AGBL1: variants seen among roughly 807,000 people sequenced by gnomAD.
AGBL1 encodes the protein cytosolic carboxypeptidase 4.
AGBL1 carries 130 observed loss-of-function variants against 118.9 expected under a neutral mutation model. The observed-to-expected ratio is 1.09, with a 90% CI of 0.95 to 1.26. The LOEUF (loss-of-function observed/expected upper bound fraction) is 1.26. Among genes scored for constraint, AGBL1 ranks in the 50% most tolerant of loss-of-function variants. The pLI is 0.00. For synonymous variants in AGBL1, 555 were observed against 478.9 expected (o/e 1.16, Z -2.08); for missense variants, 1,584 against 1,298.1 (o/e 1.22, Z -3.38).
chr15:86,228,746 CA>C (rs1223250922), intron 6 of AGBL1, among the ~76,000 whole-genome samples: 2 of 152,188 alleles, frequency 1.3e-5, no homozygotes, highest in Non-Finnish European at 2.9e-5. Flanking sequence ...CATGAAAAGC[CA>C]GTGTAGAATA....
chr15:86,327,254 T>C (rs1597733702), intron 17 of AGBL1, among the ~76,000 whole-genome samples: 1 of 152,084 alleles, frequency 6.6e-6, no homozygotes, highest in Non-Finnish European at 1.5e-5. Context: ...AATTGGGGAA[T>C]AAAAGAGGCT....
intron 22 of AGBL1, among the ~76,000 whole-genome samples, chr15:86,851,888 CATT>C (rs2079411940): frequency 6.6e-6 from 1 of 152,248 alleles, no homozygotes; most frequent in African/African-American, 2.4e-5. Context: ...AGTTCAGACT[CATT>C]GTGGTGAATG....
intron 22 of AGBL1, among the ~76,000 whole-genome samples, chr15:86,728,523 A>G (rs755162937): frequency 6.6e-6 from 1 of 152,114 alleles, no homozygotes; most frequent in Non-Finnish European, 1.5e-5. Flanking sequence ...GCATCTTTTC[A>G]GCTGCCTTTT....
intron 24 of AGBL1, among the ~76,000 whole-genome samples, chr15:87,001,246 C>G (rs981843423): frequency 6.6e-6 from 1 of 151,374 alleles, no homozygotes; most frequent in Non-Finnish European, 1.5e-5. Context: ...ATTGCCCTGG[C>G]CAGAACTTCC....
At chr15:86,754,661 T>G (rs1423649389) in intron 22 of AGBL1, among the ~76,000 whole-genome samples, 1 of 152,078 alleles carries the variant, frequency 6.6e-6, no homozygotes, top group East Asian at 1.9e-4. Context: ...CAGCCTGGCC[T>G]CTCCTCAGTG....
At chr15:86,871,177 G>A (rs945428400) in intron 22 of AGBL1, among the ~76,000 whole-genome samples, 8 of 152,172 alleles carry the variant, frequency 5.3e-5, no homozygotes, top group African/African-American at 1.9e-4. Context: ...CTCATGATTT[G>A]TGGGTAGGAG....
At chr15:86,813,440 T>C (rs1035021464) in intron 22 of AGBL1, among the ~76,000 whole-genome samples, 6 of 152,198 alleles carry the variant, frequency 3.9e-5, no homozygotes, top group Non-Finnish European at 7.3e-5. Flanking sequence ...CACATTCTCT[T>C]CTGCCTTCCT....
chr15:86,868,223 G>A (rs2079662553), intron 22 of AGBL1, among the ~76,000 whole-genome samples: 1 of 152,190 alleles, frequency 6.6e-6, no homozygotes, highest in Non-Finnish European at 1.5e-5. Context: ...CATGGACGTA[G>A]AGTGAAGATG....
At chr15:86,730,488 T>C (rs1180585841) in intron 22 of AGBL1, among the ~76,000 whole-genome samples, 10 of 152,188 alleles carry the variant, frequency 6.6e-5, no homozygotes, top group Admixed American at 6.5e-4. Flanking sequence ...CTTTAGAACA[T>C]TTTATTTTAG....
chr15:86,585,650 G>A (rs1260069700), intron 21 of AGBL1, among the ~76,000 whole-genome samples: 1 of 152,110 alleles, frequency 6.6e-6, no homozygotes, highest in Non-Finnish European at 1.5e-5. Flanking sequence ...AAAGGTATGA[G>A]CCATCTTACC....
chr15:86,698,004 A>G (rs1329485071), intron 22 of AGBL1, among the ~76,000 whole-genome samples: 1 of 151,982 alleles, frequency 6.6e-6, no homozygotes, highest in African/African-American at 2.4e-5. Context: ...CTTTCCTAGT[A>G]TATTCCTGCA....
chr15:86,789,268 T>C (rs76732616), intron 22 of AGBL1, among the ~76,000 whole-genome samples: 1 of 152,222 alleles, frequency 6.6e-6, no homozygotes, highest in African/African-American at 2.4e-5. Context: ...TATCACATCA[T>C]GCAACAATGA....
intron 22 of AGBL1, among the ~76,000 whole-genome samples, chr15:86,840,065 A>T (rs1416569869): frequency 6.6e-6 from 1 of 152,220 alleles, no homozygotes; most frequent in Non-Finnish European, 1.5e-5. Context: ...GGAGAGAAAC[A>T]TATTTCAAAA....
At chr15:86,280,823 C>G (rs1669926250) in intron 16 of AGBL1, among the ~76,000 whole-genome samples, 1 of 152,190 alleles carries the variant, frequency 6.6e-6, no homozygotes. Flanking sequence ...GAAAGTGCAT[C>G]TGTCCTCTTC....
intron 4 of AGBL1, among the ~76,000 whole-genome samples, chr15:86,155,378 A>G (rs75658183): frequency 0.065 from 9,878 of 152,194 alleles, 529 homozygotes; most frequent in East Asian, 0.27. Context: ...TGAGCCCAGG[A>G]AGTCATGGCT....
At chr15:86,420,944 G>C (rs895396503) in intron 18 of AGBL1, among the ~76,000 whole-genome samples, 5 of 152,146 alleles carry the variant, frequency 3.3e-5, no homozygotes, top group Admixed American at 6.5e-5. Context: ...AATCCTCCAA[G>C]AAATATGGGA....
intron 17 of AGBL1, among the ~76,000 whole-genome samples, chr15:86,352,175 C>G (rs1270579740): frequency 6.6e-6 from 1 of 152,120 alleles, no homozygotes; most frequent in Non-Finnish European, 1.5e-5. Flanking sequence ...AACAGAACCT[C>G]ACAATGAAGG....
chr15:86,763,833 A>C (rs755319509), intron 22 of AGBL1, among the ~76,000 whole-genome samples: 13 of 151,966 alleles, frequency 8.6e-5, no homozygotes, highest in Non-Finnish European at 1.8e-4. Context: ...ATGATTTTCC[A>C]CCTATCTTTG....
intron 22 of AGBL1, among the ~76,000 whole-genome samples, chr15:86,687,202 G>A (rs543466772): frequency 1.6e-4 from 25 of 152,204 alleles, no homozygotes; most frequent in South Asian, 6.2e-4. Context: ...TAGAAAAGTT[G>A]GCCATTTTCA....
Sources: allele counts gnomAD v4.1 joint callset (sites outside exome capture counted in the v4.1 genomes callset), GRCh38; gene constraint gnomAD v4.1.1; transcripts MANE v1.5; gene names NCBI Gene and HGNC (gene_info 2026-07-23, HGNC 2026-07-21).